Variants in RAPH1 observed in about 807,000 individuals in gnomAD.
RAPH1 encodes ras-associated and pleckstrin homology domains-containing protein 1.
A neutral mutation model predicts 88.1 loss-of-function variants in RAPH1; 18 were observed. That is an observed-to-expected ratio of 0.20 (90% confidence interval 0.14 to 0.30). The LOEUF is 0.30. RAPH1 is among the 10% of genes least tolerant of loss of function. The pLI is 1.00. For synonymous variants in RAPH1, 587 were observed against 559.0 expected, an observed-to-expected ratio of 1.05 and a Z score of -0.71; for missense variants, 1,448 against 1,543.2, an observed-to-expected ratio of 0.94 and a Z score of 1.03.
chr2:203,506,780 CTAGATA>C (rs1689044475), intron 1 of RAPH1, among the ~76,000 whole-genome samples: 14 of 77,684 alleles, frequency 1.8e-4, no homozygotes, highest in East Asian at 6.4e-4. Context: ...CTATATATAT[CTAGATA>C]TATATATCTA....
chr2:203,472,140 T>TTA (rs2098533735), intron 4 of RAPH1, among the ~76,000 whole-genome samples: 1 of 151,084 alleles, frequency 6.6e-6, no homozygotes, highest in African/African-American at 2.5e-5. Flanking sequence ...TTTTTTTTTT[T>TTA]TTATTTTTTT....
intron 1 of RAPH1, among the ~76,000 whole-genome samples, chr2:203,520,176 A>C (rs905064199): frequency 1.3e-5 from 2 of 152,044 alleles, no homozygotes; most frequent in African/African-American, 4.8e-5. Context: ...AAAAGAAAAA[A>C]AAATAATTAC....
chr2:203,444,195 A>G (rs1581250675), intron 13 of RAPH1: 1 of 152,468 alleles, frequency 6.6e-6, no homozygotes, highest in Non-Finnish European at 1.5e-5. Flanking sequence ...GCACTCTGGG[A>G]GGCTGAGGCA....
chr2:203,521,990 C>G (rs569124838), intron 1 of RAPH1, among the ~76,000 whole-genome samples: 1 of 152,206 alleles, frequency 6.6e-6, no homozygotes, highest in South Asian at 2.1e-4. Context: ...AATGCAAACT[C>G]AAAATCATCA....
chr2:203,534,396 C>T (rs1228985837), intron 1 of RAPH1, among the ~76,000 whole-genome samples: 1 of 151,842 alleles, frequency 6.6e-6, no homozygotes, highest in East Asian at 1.9e-4. Context: ...ATGCGGTTTC[C>T]AGCTCACACA....
intron 12 of RAPH1, 181 bp downstream of exon 12, chr2:203,447,778 A>G (rs2098511261): frequency 2.1e-6 from 1 of 467,102 alleles, no homozygotes; most frequent in Admixed American, 3.8e-5. Context: ...TACATTTGTG[A>G]ACTAGCCCAT....
chr2:203,521,102 G>C (rs1351414095), intron 1 of RAPH1, among the ~76,000 whole-genome samples: 1 of 152,174 alleles, frequency 6.6e-6, no homozygotes, highest in African/African-American at 2.4e-5. Context: ...TGCCCAGCCT[G>C]GAGTGCAGTG....
chr2:203,470,288 G>A (rs866786008), intron 4 of RAPH1: 1 of 1,612,240 alleles, frequency 6.2e-7, no homozygotes, highest in African/African-American at 1.3e-5. Flanking sequence ...CAGAAGAAGG[G>A]AGGTTTCCCT....
intron 1 of RAPH1, among the ~76,000 whole-genome samples, chr2:203,533,830 A>C (rs1374289061): frequency 6.6e-6 from 1 of 152,138 alleles, no homozygotes; most frequent in Non-Finnish European, 1.5e-5. Flanking sequence ...TTTTGCATAC[A>C]TTATCTCATT....
intron 1 of RAPH1, among the ~76,000 whole-genome samples, chr2:203,515,088 T>C (rs555896263): frequency 2.9e-4 from 44 of 152,262 alleles, no homozygotes; most frequent in Non-Finnish European, 4.7e-4. Flanking sequence ...TACTCCAGTT[T>C]TGAAAAGTAG....
chr2:203,442,845 A>G (rs1559444960), intron 13 of RAPH1: 2 of 152,358 alleles, frequency 1.3e-5, no homozygotes, highest in South Asian at 2.1e-4. Flanking sequence ...ACTAGGTTCT[A>G]TAACTTAAAA....
At chr2:203,455,296 G>T (rs946199502) in intron 9 of RAPH1, 141 bp downstream of exon 9, 1 of 712,466 alleles carries the variant, frequency 1.4e-6, no homozygotes, top group Non-Finnish European at 2.2e-6. Context: ...CTTTATAATA[G>T]ATTAATAAAC....
chr2:203,528,283 T>C (rs1217661041), intron 1 of RAPH1, among the ~76,000 whole-genome samples: 1 of 151,712 alleles, frequency 6.6e-6, no homozygotes, highest in African/African-American at 2.4e-5. Context: ...CATCTTAAAA[T>C]ACTCATATCT....
chr2:203,435,593 A>G lies in RAPH1; in HGVS notation c.*3844T>C, dbSNP rs1358249628. On this transcript the variant is annotated 3_prime_UTR_variant, in exon 14 of 14. Coordinates refer to ENST00000319170, the MANE Select transcript of RAPH1 (RefSeq NM_213589.3). ...CCCTAGAAACAGTCACCCTCTCGTC[A>G]AGTGTATGACCCAATTATACCTATT... is the stretch of plus-strand genomic sequence containing the variant. 1 of 152,102 alleles carries G rather than the reference A, an allele frequency of 6.6e-6. No homozygotes were observed. The highest frequency in any genetic ancestry group is 1.9e-4 in the East Asian group (1 of 5,192). 9.4% of individuals were successfully genotyped at this position (152,102 alleles called of 1,614,324 possible).
In RAPH1 at chr2:203,436,411, A is replaced by G. The variant is rs1452588839; in HGVS notation, c.*3026T>C. 1.3e-5 allele frequency: 2 copies of G among 152,188 alleles called. No individual in the cohort carries two copies. Among genetic ancestry groups the G allele is most frequent in the Non-Finnish European group, 2.9e-5 (2 of 68,050 alleles). 9.4% of individuals were successfully genotyped at this position (152,188 alleles called of 1,614,324 possible). ...TTACAGCGTCTAAGGGGGGGAAAGA[A>G]AGCATCTGAGCAGTAAAAGTCAAGC... On this transcript the variant is annotated 3_prime_UTR_variant, in exon 14 of 14. Transcript: ENST00000319170.
intron 10 of RAPH1, among the ~76,000 whole-genome samples, chr2:203,450,467 A>G (rs1033811934): frequency 6.6e-6 from 1 of 152,232 alleles, no homozygotes; most frequent in Non-Finnish European, 1.5e-5. Context: ...ATAATAAACC[A>G]TAATAGTGAC....
intron 1 of RAPH1, among the ~76,000 whole-genome samples, chr2:203,497,802 C>T (rs776576983): frequency 1.3e-5 from 2 of 152,042 alleles, no homozygotes; most frequent in Non-Finnish European, 2.9e-5. Flanking sequence ...CAATTTGTAA[C>T]AATATTATTT....
intron 4 of RAPH1, among the ~76,000 whole-genome samples, chr2:203,464,107 T>G (rs539948109): frequency 6.6e-6 from 1 of 152,328 alleles, no homozygotes; most frequent in East Asian, 1.9e-4. Context: ...ATTATGTTCC[T>G]CATGGCTCAT....
intron 4 of RAPH1, among the ~76,000 whole-genome samples, chr2:203,468,852 G>A (rs1049183947): frequency 2.0e-5 from 3 of 152,180 alleles, no homozygotes; most frequent in Non-Finnish European, 4.4e-5. Context: ...TGCAACAAAT[G>A]GGTGAGCTCA....
Sources: gnomAD v4.1 joint callset for allele counts (sites outside exome capture counted in the v4.1 genomes callset) on GRCh38, gnomAD v4.1.1 for gene constraint, MANE v1.5 for transcripts, NCBI Gene and HGNC (gene_info 2026-07-23, HGNC 2026-07-21) for gene names.